The following PCDHA2 variants were observed in gnomAD, a reference collection of about 807,000 sequenced individuals.
PCDHA2 encodes the protein protocadherin alpha-2.
In PCDHA2, 58 loss-of-function variants were observed where a neutral mutation model predicts 66.0. That is an observed-to-expected ratio of 0.88 (90% CI 0.71 to 1.09). The LOEUF (loss-of-function observed/expected upper bound fraction) is 1.09, where lower values mean the gene tolerates loss of function less well. PCDHA2 is among the 50% of genes least tolerant of loss of function. PCDHA2 has a pLI of 0.00. For synonymous variants in PCDHA2, 634 were observed against 554.0 expected (o/e 1.14, Z -2.03); for missense variants, 1,267 against 1,242.3 (o/e 1.02, Z -0.30).
intron 1 of PCDHA2, chr5:140,967,558 C>G (rs1554229674): frequency 6.2e-7 from 1 of 1,614,050 alleles, no homozygotes; most frequent in South Asian, 1.1e-5. Flanking sequence ...CTTATCGCGT[C>G]CAGCTACGGG....
chr5:140,872,756 A>G (rs987230878), intron 1 of PCDHA2, among the ~76,000 whole-genome samples: 1 of 152,342 alleles, frequency 6.6e-6, no homozygotes, highest in East Asian at 1.9e-4. Context: ...AAAGACATGC[A>G]TATAGGGCTA....
At chr5:140,829,918 T>A in intron 1 of PCDHA2, 1 of 1,613,992 alleles carries the variant, frequency 6.2e-7, no homozygotes, top group Non-Finnish European at 8.5e-7. Context: ...GGCTTTCGTA[T>A]GAGCTGCAGC....
intron 1 of PCDHA2, chr5:140,882,427 G>C (rs201675412): frequency 1.6e-4 from 264 of 1,613,972 alleles, no homozygotes; most frequent in Middle Eastern, 1.7e-4. Context: ...AGGACCTGGG[G>C]CTGGAGCTGG....
At chr5:140,848,505 T>C in intron 1 of PCDHA2, 1 of 1,587,952 alleles carries the variant, frequency 6.3e-7, no homozygotes, top group Non-Finnish European at 8.6e-7. Flanking sequence ...AATGTTATAC[T>C]CAAGTCGAGG....
chr5:140,927,051 G>T, intron 1 of PCDHA2: 1 of 1,612,116 alleles, frequency 6.2e-7, no homozygotes, highest in South Asian at 1.1e-5. Flanking sequence ...TGTCCTCGCG[G>T]AACTTTCGCT....
chr5:140,800,960 A>T (rs1581639057), intron 1 of PCDHA2: 4 of 1,180,626 alleles, frequency 3.4e-6, no homozygotes, highest in Non-Finnish European at 4.4e-6. Flanking sequence ...ATACAAGGAA[A>T]AGAAGATACG....
intron 1 of PCDHA2, chr5:140,969,220 G>A (rs2096308533): frequency 6.2e-7 from 1 of 1,614,084 alleles, no homozygotes; most frequent in African/African-American, 1.3e-5. Flanking sequence ...CAGGACCAGG[G>A]CCTTCGGGAG....
In PCDHA2 at chr5:140,796,437, C is replaced by T. The variant is rs1211584292; in HGVS notation, c.1473C>T (p.Ser491=). The T allele has an allele frequency of 6.2e-7, 1 of 1,613,562 alleles. No individual in the cohort carries two copies. The highest frequency in any genetic ancestry group is 1.1e-5 in the South Asian group (1 of 91,056). Residue 491 remains serine (S), a synonymous_variant, in exon 1 of 4, where the codon TCC becomes TCT. Coordinates refer to ENST00000526136, the MANE Select transcript of PCDHA2 (RefSeq NM_018905.3). ...DADAQENALV[S]YSLVERRVGE... Reference sequence around the variant, plus strand: ...ACGCGCAGGAGAACGCGCTGGTGTCCTACTCGCTGGTGGAGCGGCGGGTGG... The same window carrying T: ...ACGCGCAGGAGAACGCGCTGGTGTCTTACTCGCTGGTGGAGCGGCGGGTGG...
rs2150120933 is a variant in PCDHA2, at chr5:140,822,977, A to G, written c.2388+25625A>G. On this transcript the variant is annotated intron_variant, in intron 1 of 3. Coordinates refer to ENST00000526136, the MANE Select transcript of PCDHA2 (RefSeq NM_018905.3). Reference sequence around the variant, plus strand: ...CCCTTCAAGCTGGTGTCCACCTTCAAGAATTACTACTCGTTGGTGCTGGAC... The same window carrying G: ...CCCTTCAAGCTGGTGTCCACCTTCAGGAATTACTACTCGTTGGTGCTGGAC... The G allele has an allele frequency of 1.4e-5, 22 of 1,614,094 alleles. No individual in the cohort carries two copies. Among genetic ancestry groups the G allele is most frequent in the South Asian group, 4.4e-5 (4 of 91,090 alleles).
chr5:140,840,858 A>G (rs1200683649), intron 1 of PCDHA2, among the ~76,000 whole-genome samples: 2 of 152,006 alleles, frequency 1.3e-5, no homozygotes, highest in Non-Finnish European at 2.9e-5. Context: ...TCCACACGAA[A>G]CTATGGAGGA....
At chr5:140,870,456 G>A (rs782212198) in intron 1 of PCDHA2, 15 of 1,614,110 alleles carry the variant, frequency 9.3e-6, no homozygotes, top group South Asian at 5.5e-5. Flanking sequence ...ACGACAATGC[G>A]CCTGCGTTCG....
chr5:140,830,473 T>A (rs2150186969), intron 1 of PCDHA2: 2 of 1,553,368 alleles, frequency 1.3e-6, no homozygotes, highest in African/African-American at 1.4e-5. Flanking sequence ...TAAATGAAGA[T>A]CATGATGCCA....
chr5:140,828,917 G>A (rs1770028810), intron 1 of PCDHA2: 1 of 1,614,204 alleles, frequency 6.2e-7, no homozygotes, highest in South Asian at 1.1e-5. Flanking sequence ...AGCGAATGGG[G>A]CAATTTCATA....
At position 140,814,356 on chromosome 5, in the gene PCDHA2, C is replaced by T. The variant is rs2150035984; in HGVS notation, c.2388+17004C>T. On this transcript the variant is annotated intron_variant, in intron 1 of 3. Transcript: ENST00000526136. ...TGGAAGGTCTTCTGGGGCAGTTACA[C>T]ATGCGATGCTATCATCTCCTATGAT... 1.3e-5 allele frequency: 2 copies of T among 152,124 alleles called. 1 individual carries two copies. Among genetic ancestry groups the T allele is most frequent in the African/African-American group, 4.8e-5 (2 of 41,516 alleles). 9.4% of individuals were successfully genotyped at this position (152,124 alleles called of 1,614,324 possible). A position where few individuals can be genotyped will look rare whatever the true frequency, so the allele number is the denominator to read the frequency against.
At chr5:140,947,550 G>T (rs967081376) in intron 1 of PCDHA2, among the ~76,000 whole-genome samples, 1 of 151,402 alleles carries the variant, frequency 6.6e-6, no homozygotes, top group Non-Finnish European at 1.5e-5. Flanking sequence ...AAAGAATTCC[G>T]CTGGGATTTA....
At chr5:140,907,915 C>T (rs1554193177) in intron 1 of PCDHA2, among the ~76,000 whole-genome samples, 1 of 152,234 alleles carries the variant, frequency 6.6e-6, no homozygotes, top group Admixed American at 6.5e-5. Context: ...TTTGACCACT[C>T]AGAGAGGTCC....
At chr5:141,005,960 TA>T (rs1322848010) in intron 3 of PCDHA2, among the ~76,000 whole-genome samples, 2 of 151,500 alleles carry the variant, frequency 1.3e-5, no homozygotes, top group Non-Finnish European at 2.9e-5. Context: ...CAAACAACAA[TA>T]AAAAAACAAT....
chr5:140,940,425 G>T (rs2153645742), intron 1 of PCDHA2, among the ~76,000 whole-genome samples: 1 of 152,034 alleles, frequency 6.6e-6, no homozygotes, highest in African/African-American at 2.4e-5. Flanking sequence ...AATTATTACT[G>T]ATCAAGTCTG....
intron 1 of PCDHA2, chr5:140,805,308 C>CT: frequency 7.8e-7 from 1 of 1,274,928 alleles, no homozygotes; most frequent in Non-Finnish European, 9.9e-7. Flanking sequence ...ATTCTTCCTC[C>CT]TTTTTTCCAA....
Sources: allele counts gnomAD v4.1 joint callset (sites outside exome capture counted in the v4.1 genomes callset), GRCh38; gene constraint gnomAD v4.1.1; transcripts MANE v1.5; gene names NCBI Gene and HGNC (gene_info 2026-07-23, HGNC 2026-07-21).